The following KCNIP4 variants were observed in gnomAD, a reference collection of about 807,000 sequenced individuals.
KCNIP4 encodes potassium voltage-gated channel interacting protein 4.
Under a neutral mutation model 34.0 loss-of-function variants are expected in KCNIP4, and 12 were observed. The observed-to-expected ratio is 0.35, with a 90% CI of 0.23 to 0.57. The LOEUF is 0.57. Among genes scored for constraint, KCNIP4 ranks in the 20% least tolerant of loss-of-function variants. The pLI is 0.83. For missense variants in KCNIP4, 238 were observed against 311.7 expected, an observed-to-expected ratio of 0.76 and a Z score of 1.78; for synonymous variants, 124 against 102.2, an observed-to-expected ratio of 1.21 and a Z score of -1.29.
intron 1 of KCNIP4, among the ~76,000 whole-genome samples, chr4:21,736,894 T>C (rs1421044916): frequency 6.6e-6 from 1 of 152,176 alleles, no homozygotes; most frequent in African/African-American, 2.4e-5. Context: ...TAGAACAGAA[T>C]TTTCCTTTTG....
At chr4:20,817,577 T>C (rs936660267) in intron 3 of KCNIP4, among the ~76,000 whole-genome samples, 2 of 152,122 alleles carry the variant, frequency 1.3e-5, no homozygotes, top group African/African-American at 4.8e-5. Flanking sequence ...TATTCTTATT[T>C]CTCTGTTTTA....
chr4:20,730,410 TCATAATGCCAAAA>T (rs1747755590), intron 8 of KCNIP4, among the ~76,000 whole-genome samples: 1 of 152,154 alleles, frequency 6.6e-6, no homozygotes, highest in Non-Finnish European at 1.5e-5. Flanking sequence ...ATTTCTCAAA[TCATAATGCCAAAA>T]TGGAAACTAC....
intron 1 of KCNIP4, among the ~76,000 whole-genome samples, chr4:20,930,545 A>T (rs1304332348): frequency 6.6e-6 from 1 of 152,102 alleles, no homozygotes; most frequent in East Asian, 1.9e-4. Context: ...CTGCACAGTA[A>T]AGGAATCAAT....
chr4:21,498,874 A>T (rs10030329), intron 1 of KCNIP4, among the ~76,000 whole-genome samples: 4,778 of 152,320 alleles, frequency 0.031, 228 homozygotes, highest in African/African-American at 0.099. Flanking sequence ...ACATATGAAA[A>T]GAAAAAACAA....
chr4:21,238,410 T>G (rs1030442996), intron 1 of KCNIP4, among the ~76,000 whole-genome samples: 8 of 152,054 alleles, frequency 5.3e-5, no homozygotes, highest in African/African-American at 1.9e-4. Flanking sequence ...AAATAAAGGG[T>G]ATTCAATTAG....
At chr4:21,720,679 C>G (rs926709001) in intron 1 of KCNIP4, among the ~76,000 whole-genome samples, 1 of 129,742 alleles carries the variant, frequency 7.7e-6, no homozygotes, top group African/African-American at 2.8e-5. Flanking sequence ...TATCCCTCCC[C>G]CCTCCCCCAC....
At chr4:21,869,665 G>T in intron 1 of KCNIP4, among the ~76,000 whole-genome samples, 1 of 26,584 alleles carries the variant, frequency 3.8e-5, no homozygotes, top group Non-Finnish European at 1.3e-4. Flanking sequence ...TTTTCCTTTA[G>T]GGCTTACGCT....
intron 1 of KCNIP4, among the ~76,000 whole-genome samples, chr4:21,653,631 C>T (rs1747684656): frequency 6.6e-6 from 1 of 152,196 alleles, no homozygotes; most frequent in African/African-American, 2.4e-5. Context: ...TAGAGTCCAG[C>T]AGCATTAACA....
At chr4:21,501,728 G>T (rs868703464) in intron 1 of KCNIP4, among the ~76,000 whole-genome samples, 1 of 150,798 alleles carries the variant, frequency 6.6e-6, no homozygotes, top group African/African-American at 2.5e-5. Context: ...GTTGGAAGGG[G>T]CAGTTTATAT....
At chr4:20,870,445 A>T (rs1473638107) in intron 2 of KCNIP4, among the ~76,000 whole-genome samples, 2 of 152,088 alleles carry the variant, frequency 1.3e-5, no homozygotes, top group African/African-American at 4.8e-5. Flanking sequence ...CTGTGAGTTA[A>T]TCAAACCTCT....
chr4:21,041,680 A>G (rs1370143931), intron 1 of KCNIP4, among the ~76,000 whole-genome samples: 1 of 152,230 alleles, frequency 6.6e-6, no homozygotes, highest in Non-Finnish European at 1.5e-5. Flanking sequence ...AGAAGCTAAA[A>G]ATGATCTTTC....
intron 1 of KCNIP4, among the ~76,000 whole-genome samples, chr4:21,760,706 G>A (rs550601303): frequency 1.6e-4 from 24 of 152,126 alleles, no homozygotes; most frequent in African/African-American, 5.5e-4. Flanking sequence ...CTAAATTTCT[G>A]TCAAGTATTA....
At chr4:21,342,779 A>C (rs930983029) in intron 1 of KCNIP4, among the ~76,000 whole-genome samples, 10 of 151,998 alleles carry the variant, frequency 6.6e-5, no homozygotes, top group Non-Finnish European at 1.0e-4. Context: ...CCACTTACGT[A>C]TATGCACTTT....
chr4:20,900,376 C>A (rs2149550847), intron 1 of KCNIP4, among the ~76,000 whole-genome samples: 1 of 152,286 alleles, frequency 6.6e-6, no homozygotes, highest in South Asian at 2.1e-4. Context: ...TGGTAGATTA[C>A]TAAGGCCACC....
At chr4:21,739,783 C>T (rs1716274969) in intron 1 of KCNIP4, among the ~76,000 whole-genome samples, 1 of 152,066 alleles carries the variant, frequency 6.6e-6, no homozygotes, top group Non-Finnish European at 1.5e-5. Context: ...TCCTTTATGT[C>T]ACCGCCAATT....
chr4:21,380,695 C>A (rs1307813222), intron 1 of KCNIP4, among the ~76,000 whole-genome samples: 2 of 152,054 alleles, frequency 1.3e-5, no homozygotes, highest in African/African-American at 4.8e-5. Flanking sequence ...AAGCCATAAT[C>A]ATATTTTTGG....
chr4:21,122,045 G>A (rs2109137821), intron 1 of KCNIP4, among the ~76,000 whole-genome samples: 1 of 152,292 alleles, frequency 6.6e-6, no homozygotes, highest in Middle Eastern at 3.4e-3. Context: ...CATTTTTGGG[G>A]ACAAAGTATT....
At chr4:21,026,857 T>C (rs1386792671) in intron 1 of KCNIP4, among the ~76,000 whole-genome samples, 1 of 152,108 alleles carries the variant, frequency 6.6e-6, no homozygotes, top group Non-Finnish European at 1.5e-5. Flanking sequence ...CCAGTCATAG[T>C]CACGTGAGTG....
intron 1 of KCNIP4, among the ~76,000 whole-genome samples, chr4:21,933,879 A>C (rs1729709639): frequency 6.6e-6 from 1 of 152,134 alleles, no homozygotes; most frequent in African/African-American, 2.4e-5. Context: ...GTAAACAAAT[A>C]TTTGAGTGCC....
Sources: gnomAD v4.1 joint callset for allele counts (sites outside exome capture counted in the v4.1 genomes callset) on GRCh38, gnomAD v4.1.1 for gene constraint, MANE v1.5 for transcripts, NCBI Gene and HGNC (gene_info 2026-07-23, HGNC 2026-07-21) for gene names.